The following DHX57 variants were observed in gnomAD, a reference collection of about 807,000 sequenced individuals.
DHX57 encodes DExH-box helicase 57.
DHX57 carries 105 observed loss-of-function variants against 156.2 expected under a neutral mutation model. The ratio of observed to expected loss-of-function variants is 0.67; its 90% CI spans 0.57 to 0.79. DHX57 has a LOEUF of 0.79. Ranked by LOEUF, DHX57 falls within the 30% of genes least tolerant of loss-of-function variation. The pLI is 0.00. For synonymous variants in DHX57, 704 were observed against 595.6 expected (o/e 1.18, Z -2.65); for missense variants, 1,847 against 1,661.9 (o/e 1.11, Z -1.94).
At position 38,861,848 on chromosome 2, in the gene DHX57, C is replaced by A. The variant is rs1187564600; in HGVS notation, c.573-11G>T. On this transcript the variant is annotated splice_polypyrimidine_tract_variant and intron_variant, in intron 4 of 23. Transcript: ENST00000457308. Reference sequence around the variant, plus strand: ...GTATTGAAACCATACCTGTCAAGGGCAAAACATGACAAAAATGACACATAA... The same window carrying A: ...GTATTGAAACCATACCTGTCAAGGGAAAAACATGACAAAAATGACACATAA... The A allele has an allele frequency of 6.4e-7, 1 of 1,559,416 alleles. No homozygotes were observed. The highest frequency in any genetic ancestry group is 8.7e-7 in the Non-Finnish European group (1 of 1,155,132).
chr2:38,815,458 C>T (rs1670490536), intron 20 of DHX57, 63 bp downstream of exon 20: 1 of 1,599,880 alleles, frequency 6.3e-7, no homozygotes, highest in African/African-American at 1.3e-5. Context: ...CAAGTGTTCC[C>T]AGGTTAAGAT....
At chr2:38,802,476 C>T (rs1200208837) in intron 23 of DHX57, among the ~76,000 whole-genome samples, 2 of 151,548 alleles carry the variant, frequency 1.3e-5, no homozygotes, top group African/African-American at 2.4e-5. Flanking sequence ...TTAGTAGAGA[C>T]GGGGTTTGAC....
intron 12 of DHX57, among the ~76,000 whole-genome samples, chr2:38,840,937 G>A (rs2124871364): frequency 6.6e-6 from 1 of 152,238 alleles, no homozygotes; most frequent in South Asian, 2.1e-4. Context: ...TCCCGCCTCA[G>A]CCTCCTGAGT....
At chr2:38,811,312 C>T (rs1035770400) in intron 21 of DHX57, 1 of 527,506 alleles carries the variant, frequency 1.9e-6, no homozygotes, top group Non-Finnish European at 3.8e-6. Flanking sequence ...GATCGTTCCC[C>T]TTTCCCATGG....
At chr2:38,822,489 G>T (rs960421614) in intron 17 of DHX57, among the ~76,000 whole-genome samples, 2 of 151,964 alleles carry the variant, frequency 1.3e-5, no homozygotes, top group African/African-American at 4.8e-5. Flanking sequence ...CGCCTCCCAG[G>T]TTCAAGCGAT....
In DHX57 at chr2:38,822,997, G is replaced by C; in HGVS notation, c.3287C>G (p.Pro1096Arg). Reference sequence around the variant, plus strand: ...AGATGAATGTTGTTTACTTACAAACGGAGACTTAAAAGCCAAACTGGCAGC... The same window carrying C: ...AGATGAATGTTGTTTACTTACAAACCGAGACTTAAAAGCCAAACTGGCAGC... ...TIAASLAFKS[P>R]FVSPWDKKEE... Residue 1096 changes from proline (P) to arginine (R), a missense_variant, in exon 17 of 24, where the codon CCG becomes CGG. Physicochemically the swap from Pro to Arg is moderately radical, Grantham distance 103. Coordinates refer to ENST00000457308, the MANE Select transcript of DHX57 (RefSeq NM_198963.3). 1 of 1,613,686 alleles carries C rather than the reference G, an allele frequency of 6.2e-7. No homozygotes were observed. The highest frequency in any genetic ancestry group is 8.5e-7 in the Non-Finnish European group (1 of 1,179,780).
In DHX57 at chr2:38,848,284, C is replaced by T. The variant is rs140910356; in HGVS notation, c.2149G>A (p.Val717Ile). Residue 717 changes from valine (V) to isoleucine (I), a missense_variant, in exon 10 of 24, where the codon GTT becomes ATT. Coordinates refer to ENST00000457308, the MANE Select transcript of DHX57 (RefSeq NM_198963.3). ...TTTTATTCACCTGGTATAGTAATAA[C>T]GGGGCAGGAATTAAAATAGTCTGAA... Reference protein sequence around the residue: ...LFSDYFNSCPVITIPGRTFPV... With the variant: ...LFSDYFNSCPIITIPGRTFPV... 334 of 1,597,194 alleles carry T rather than the reference C, an allele frequency of 2.1e-4. 1 individual carries two copies. The highest frequency in any genetic ancestry group is 3.8e-4 in the East Asian group (17 of 44,754).
chr2:38,798,672 G>A (rs1199070175), intron 23 of DHX57, among the ~76,000 whole-genome samples: 5 of 152,190 alleles, frequency 3.3e-5, no homozygotes, highest in African/African-American at 4.8e-5. Flanking sequence ...CGGGCCAGGC[G>A]CAGTGGCTCA....
chr2:38,808,202 C>T (rs992186609), intron 21 of DHX57, among the ~76,000 whole-genome samples: 3 of 151,636 alleles, frequency 2.0e-5, no homozygotes, highest in African/African-American at 4.8e-5. Flanking sequence ...ATCTACCCAC[C>T]TCAGCCTCCC....
At chr2:38,815,370 ATATT>A (rs1670482705) in intron 20 of DHX57, 147 bp downstream of exon 20, 1 of 1,057,128 alleles carries the variant, frequency 9.5e-7, no homozygotes, top group Non-Finnish European at 1.4e-6. Context: ...AGATCAGCTG[ATATT>A]TATTTGTGCG....
intron 13 of DHX57, among the ~76,000 whole-genome samples, chr2:38,830,968 G>C: frequency 6.6e-6 from 1 of 151,980 alleles, no homozygotes; most frequent in Non-Finnish European, 1.5e-5. Flanking sequence ...GAGAGGCTGA[G>C]GGAGGTTGTA....
chr2:38,861,700 T>A lies in DHX57; in HGVS notation c.710A>T (p.Asn237Ile), dbSNP rs745964375. ...CATACACTCATCCAAGCTTATCTGGTTGACTGCCTCAGAGATCTTCATCCT... is the reference window on the plus strand; with the variant it reads ...CATACACTCATCCAAGCTTATCTGGATGACTGCCTCAGAGATCTTCATCCT... ...GERMKISEAV[N>I]QISLDECMEQ... The change falls in exon 5 of 24, where the codon AAC (asparagine) becomes ATC (isoleucine). Residue 237 changes from asparagine (N) to isoleucine (I), a missense_variant. Asn to Ile is a moderately radical substitution (Grantham distance 149). Coordinates refer to ENST00000457308, the MANE Select transcript of DHX57 (RefSeq NM_198963.3). 1 of 1,614,068 alleles carries A rather than the reference T, an allele frequency of 6.2e-7. No individual in the cohort carries two copies. The highest frequency in any genetic ancestry group is 1.3e-5 in the African/African-American group (1 of 74,930).
chr2:38,815,606 C>G lies in DHX57; in HGVS notation c.3521G>C (p.Gly1174Ala), dbSNP rs1049288133. The change falls in exon 20 of 24, where the codon GGG becomes GCG. Residue 1174 changes from glycine (G) to alanine (A), a missense_variant. Physicochemically the swap from Gly to Ala is moderately conservative, Grantham distance 60 (BLOSUM62 0). Transcript: ENST00000457308. ...RQFTELLSDI[G>A]FAREGLRARE... ...TGCTCTGAGCCCTTCCCTTGCAAAC[C>G]CTATATCCGATAACAGTTCCGTGAA... is the stretch of plus-strand genomic sequence containing the variant. 3.7e-6 allele frequency: 6 copies of G among 1,614,000 alleles called. No individual in the cohort carries two copies. Among genetic ancestry groups the G allele is most frequent in the Non-Finnish European group, 2.5e-6 (3 of 1,180,044 alleles).
In DHX57 at chr2:38,823,235, G is replaced by A. The variant is rs1572642990; in HGVS notation, c.3049C>T (p.Leu1017Phe). 1.2e-6 allele frequency: 2 copies of A among 1,614,132 alleles called. No individual in the cohort carries two copies. The highest frequency in any genetic ancestry group is 8.5e-7 in the Non-Finnish European group (1 of 1,180,028). ...KILEMFSAHN[L>F]QSVFSRLIEP... ...ATGAGCCGAGAGAACACAGACTGGA[G>A]ATTATGAGCACTAAACATCTCTAAA... Residue 1017 changes from leucine to phenylalanine, a missense_variant, in exon 17 of 24, where the codon CTC (leucine) becomes TTC (phenylalanine). Transcript: ENST00000457308.
At chr2:38,825,599 G>A (rs561105145) in intron 16 of DHX57, among the ~76,000 whole-genome samples, 35 of 152,216 alleles carry the variant, frequency 2.3e-4, no homozygotes, top group African/African-American at 7.7e-4. Flanking sequence ...CTCCATGCCC[G>A]GCCCTACATA....
At chr2:38,842,358 G>C (rs1479326184) in intron 12 of DHX57, among the ~76,000 whole-genome samples, 1 of 152,162 alleles carries the variant, frequency 6.6e-6, no homozygotes, top group East Asian at 1.9e-4. Flanking sequence ...TCCTGAATCA[G>C]GAAAATACAG....
chr2:38,821,530 T>C (rs1670815146), intron 17 of DHX57, among the ~76,000 whole-genome samples: 1 of 151,160 alleles, frequency 6.6e-6, no homozygotes, highest in Non-Finnish European at 1.5e-5. Flanking sequence ...CCCGTCTCTA[T>C]AAAAATACAA....
Position 38,813,894 on chromosome 2 carries a change from G to A in DHX57, c.3608C>T (p.Ala1203Val). 6.2e-7 allele frequency: 1 copy of A among 1,612,724 alleles called. No homozygotes were observed. The highest frequency in any genetic ancestry group is 1.1e-5 in the South Asian group (1 of 91,056). Residue 1203 changes from alanine to valine, a missense_variant and splice_region_variant, in exon 21 of 24, where the codon GCA becomes GTA. Transcript: ENST00000457308. Reference sequence around the variant, plus strand: ...CTTGGGGTTCTCAGCATTTGAGTTTGCCTATGAGAAAAGCACAGCATTAAT... The same window carrying A: ...CTTGGGGTTCTCAGCATTTGAGTTTACCTATGAGAAAAGCACAGCATTAAT... ...DGVLDATGEE[A>V]NSNAENPKLI...
At chr2:38,809,525 A>G (rs910682456) in intron 21 of DHX57, among the ~76,000 whole-genome samples, 7 of 148,582 alleles carry the variant, frequency 4.7e-5, no homozygotes, top group Non-Finnish European at 8.9e-5. Flanking sequence ...GTGGTGGCGC[A>G]ATTTCAGCTC....
Sources: gnomAD v4.1 joint callset for allele counts (sites outside exome capture counted in the v4.1 genomes callset) on GRCh38, gnomAD v4.1.1 for gene constraint, MANE v1.5 for transcripts, NCBI Gene and HGNC (gene_info 2026-07-23, HGNC 2026-07-21) for gene names.